NRG3: variants seen among roughly 807,000 people sequenced by gnomAD.
NRG3 encodes the protein neuregulin 3.
Under a neutral mutation model 66.9 loss-of-function variants are expected in NRG3, and 31 were observed. The observed-to-expected ratio is 0.46, with a 90% CI of 0.35 to 0.63. The LOEUF (loss-of-function observed/expected upper bound fraction) is 0.63. NRG3 is among the 20% of genes least tolerant of loss of function. The pLI is 0.00. For synonymous variants in NRG3, 393 were observed against 359.4 expected, an observed-to-expected ratio of 1.09 and a Z score of -1.06; for missense variants, 910 against 878.9, an observed-to-expected ratio of 1.04 and a Z score of -0.45.
At chr10:82,371,265 A>C (rs1397235220) in intron 2 of NRG3, among the ~76,000 whole-genome samples, 2 of 152,216 alleles carry the variant, frequency 1.3e-5, no homozygotes, top group African/African-American at 4.8e-5. Context: ...AAGTTTTATC[A>C]AATGAGAAAT....
chr10:82,119,672 A>G (rs934346755), intron 1 of NRG3, among the ~76,000 whole-genome samples: 1 of 152,158 alleles, frequency 6.6e-6, no homozygotes, highest in Non-Finnish European at 1.5e-5. Context: ...GCTGCCAAAA[A>G]AGAACCACTT....
chr10:82,372,976 G>A (rs113440401), intron 2 of NRG3, among the ~76,000 whole-genome samples: 9 of 152,302 alleles, frequency 5.9e-5, no homozygotes, highest in South Asian at 4.1e-4. Context: ...TTAAGGATGC[G>A]TTGACCACTG....
chr10:81,880,940 A>G (rs1317700548), intron 1 of NRG3, among the ~76,000 whole-genome samples: 2 of 152,208 alleles, frequency 1.3e-5, no homozygotes, highest in Admixed American at 6.5e-5. Flanking sequence ...TGTTCCCTCC[A>G]GAACCATATA....
chr10:82,769,822 G>T (rs2059649310), intron 3 of NRG3, among the ~76,000 whole-genome samples: 1 of 151,706 alleles, frequency 6.6e-6, no homozygotes, highest in African/African-American at 2.4e-5. Flanking sequence ...AACATTTTTT[G>T]TGTACACGCT....
At chr10:82,471,815 G>T (rs1477243713) in intron 2 of NRG3, among the ~76,000 whole-genome samples, 1 of 151,924 alleles carries the variant, frequency 6.6e-6, no homozygotes, top group Non-Finnish European at 1.5e-5. Flanking sequence ...CTTGAACCCA[G>T]GAGGCAGAGG....
At chr10:82,940,181 G>A (rs778413730) in intron 4 of NRG3, among the ~76,000 whole-genome samples, 2 of 152,124 alleles carry the variant, frequency 1.3e-5, no homozygotes, top group Non-Finnish European at 2.9e-5. Flanking sequence ...AGCTTTTAGG[G>A]ATCGGTGGGC....
intron 1 of NRG3, among the ~76,000 whole-genome samples, chr10:82,286,497 G>C (rs2079425067): frequency 6.6e-6 from 1 of 152,138 alleles, no homozygotes; most frequent in Non-Finnish European, 1.5e-5. Flanking sequence ...TATATTTTTT[G>C]TCTTTATATC....
At chr10:81,938,152 G>C (rs985029878) in intron 1 of NRG3, among the ~76,000 whole-genome samples, 9 of 151,900 alleles carry the variant, frequency 5.9e-5, no homozygotes, top group Admixed American at 3.9e-4. Flanking sequence ...AATATGTTTT[G>C]AAATCAGGAA....
intron 1 of NRG3, among the ~76,000 whole-genome samples, chr10:82,069,326 G>A (rs1040851018): frequency 6.6e-6 from 1 of 152,182 alleles, no homozygotes; most frequent in Admixed American, 6.5e-5. Flanking sequence ...GCGTGACACA[G>A]TGAAATAACA....
intron 2 of NRG3, among the ~76,000 whole-genome samples, chr10:82,410,285 A>G (rs889186547): frequency 6.6e-6 from 1 of 151,976 alleles, no homozygotes; most frequent in African/African-American, 2.4e-5. Context: ...ATGTATTATT[A>G]TATTCTAAAC....
chr10:82,803,277 C>T (rs780867451), intron 3 of NRG3, among the ~76,000 whole-genome samples: 10 of 151,998 alleles, frequency 6.6e-5, no homozygotes, highest in Non-Finnish European at 1.5e-4. Flanking sequence ...ATGTGAGAGT[C>T]GGTTTAGAAG....
intron 1 of NRG3, among the ~76,000 whole-genome samples, chr10:81,956,121 G>T (rs921298927): frequency 3.9e-5 from 6 of 152,152 alleles, no homozygotes; most frequent in Admixed American, 6.5e-5. Flanking sequence ...TAATCTTTCT[G>T]CTTGAAACTT....
intron 1 of NRG3, among the ~76,000 whole-genome samples, chr10:82,080,730 T>G (rs944299657): frequency 6.6e-6 from 1 of 152,176 alleles, no homozygotes; most frequent in Non-Finnish European, 1.5e-5. Context: ...AAAAATGTGG[T>G]AAAATATATA....
chr10:82,268,551 T>C (rs2078425882), intron 1 of NRG3, among the ~76,000 whole-genome samples: 1 of 152,120 alleles, frequency 6.6e-6, no homozygotes, highest in Non-Finnish European at 1.5e-5. Context: ...TCCTCTTTCT[T>C]ATATATTTTT....
At chr10:82,745,724 G>A (rs375060780) in intron 3 of NRG3, among the ~76,000 whole-genome samples, 1 of 151,982 alleles carries the variant, frequency 6.6e-6, no homozygotes, top group Non-Finnish European at 1.5e-5. Flanking sequence ...TACCAATCAT[G>A]TATGCAAACA....
At chr10:82,052,886 T>C (rs546776410) in intron 1 of NRG3, among the ~76,000 whole-genome samples, 113 of 152,188 alleles carry the variant, frequency 7.4e-4, no homozygotes, top group African/African-American at 2.5e-3. Context: ...AAAGAAAATA[T>C]AGGGCTACAT....
intron 2 of NRG3, among the ~76,000 whole-genome samples, chr10:82,585,522 A>T (rs2046617460): frequency 6.6e-6 from 1 of 152,130 alleles, no homozygotes; most frequent in Non-Finnish European, 1.5e-5. Context: ...TGTCCTAGTC[A>T]CAGACCACCC....
At chr10:82,793,641 C>T (rs930405141) in intron 3 of NRG3, among the ~76,000 whole-genome samples, 6 of 152,122 alleles carry the variant, frequency 3.9e-5, no homozygotes, top group Admixed American at 1.3e-4. Flanking sequence ...AAAACAACAA[C>T]GAAGTTTCAT....
At chr10:82,391,181 T>C (rs983353710) in intron 2 of NRG3, among the ~76,000 whole-genome samples, 2 of 152,132 alleles carry the variant, frequency 1.3e-5, no homozygotes, top group Non-Finnish European at 2.9e-5. Context: ...AACATGTCTG[T>C]TTATCAAACA....
Sources: allele counts gnomAD v4.1 joint callset (sites outside exome capture counted in the v4.1 genomes callset), GRCh38; gene constraint gnomAD v4.1.1; transcripts MANE v1.5; gene names NCBI Gene and HGNC (gene_info 2026-07-23, HGNC 2026-07-21).